Variants in ASGR2 observed in about 807,000 individuals in gnomAD.
ASGR2 encodes asialoglycoprotein receptor 2, also known as C-type lectin domain family 4 member H2.
ASGR2 carries 34 observed loss-of-function variants against 32.3 expected under a neutral mutation model. That is an observed-to-expected ratio of 1.05 (90% CI 0.80 to 1.40). ASGR2 has a LOEUF of 1.40. Among genes scored for constraint, ASGR2 ranks in the 40% most tolerant of loss-of-function variants. ASGR2 has a pLI of 0.00. For synonymous variants in ASGR2, 143 were observed against 150.0 expected, an observed-to-expected ratio of 0.95 and a Z score of 0.34; for missense variants, 385 against 386.4, an observed-to-expected ratio of 1.00 and a Z score of 0.03.
Position 7,114,111 on chromosome 17 carries a change from A to G in ASGR2, c.124+6T>C, listed in dbSNP as rs1567774928. 1 of 1,614,170 alleles carries G rather than the reference A, an allele frequency of 6.2e-7. No homozygotes were observed. On this transcript the variant is annotated splice_donor_region_variant and intron_variant, in intron 2 of 8. Transcript: ENST00000691900. The surrounding 1 kb of genome is among the most constrained non-coding windows in gnomAD (Gnocchi z 4.5). Reference sequence around the variant, plus strand: ...GGGAGCAAAGCCGCAGAAACTGCACACTTGCCTTTCAAAAATGGATTTCCT... The same window carrying G: ...GGGAGCAAAGCCGCAGAAACTGCACGCTTGCCTTTCAAAAATGGATTTCCT...
Position 7,113,247 on chromosome 17 carries a change from T to G in ASGR2, c.124+870A>C, listed in dbSNP as rs1409812192. Among the ~76,000 whole-genome samples the G allele has an allele frequency of 6.6e-6, 1 of 151,866 alleles. No homozygotes were observed. The highest frequency in any genetic ancestry group is 1.5e-5 in the Non-Finnish European group (1 of 67,958). ...GCAGGGATCTTCCAGGATCTCTCTGTGCTCACGTCCCCCACCCATCCCAAC... is the reference window on the plus strand; with the variant it reads ...GCAGGGATCTTCCAGGATCTCTCTGGGCTCACGTCCCCCACCCATCCCAAC... On this transcript the variant is annotated intron_variant, in intron 2 of 8. Coordinates refer to ENST00000691900, the MANE Select transcript of ASGR2 (RefSeq NM_001201352.2). This position sits in a 1 kb window ranked among gnomAD's most constrained non-coding sequence, Gnocchi z 5.1.
intron 2 of ASGR2, among the ~76,000 whole-genome samples, chr17:7,109,371 C>T (rs1914330136): frequency 6.6e-6 from 1 of 152,072 alleles, no homozygotes; most frequent in Non-Finnish European, 1.5e-5. Context: ...ACTCCAGAAG[C>T]TGGGCCCTGT....
intron 2 of ASGR2, among the ~76,000 whole-genome samples, chr17:7,111,461 C>T (rs1055256808): frequency 1.3e-5 from 2 of 151,980 alleles, no homozygotes; most frequent in South Asian, 4.2e-4. Context: ...TCGACACCAT[C>T]CTGGCTAACA....
At chr17:7,105,664 G>A (rs1913568629) in intron 7 of ASGR2, among the ~76,000 whole-genome samples, 3 of 152,142 alleles carry the variant, frequency 2.0e-5, no homozygotes. Context: ...GGGCGATAGA[G>A]CCAGATCTTG....
At position 7,110,693 on chromosome 17, in the gene ASGR2, G is replaced by A. The variant is rs552180928; in HGVS notation, c.125-1805C>T. Among the ~76,000 whole-genome samples, 32 of 152,328 alleles carry A rather than the reference G, an allele frequency of 2.1e-4. No homozygotes were observed. In the South Asian group the frequency reaches 6.6e-3, roughly 32 times the overall value. Reference sequence around the variant, plus strand: ...TTAAAATATGTAATGTGCTTCTTAGGCAAAAGTTTGAACATAAAAGACAGG... The same window carrying A: ...TTAAAATATGTAATGTGCTTCTTAGACAAAAGTTTGAACATAAAAGACAGG... On this transcript the variant is annotated intron_variant, in intron 2 of 8. Coordinates refer to ENST00000691900, the MANE Select transcript of ASGR2 (RefSeq NM_001201352.2).
chr17:7,110,493 G>A (rs62061387), intron 2 of ASGR2, among the ~76,000 whole-genome samples: 24,246 of 152,132 alleles, frequency 0.16, 2,121 homozygotes, highest in East Asian at 0.26. Context: ...GCCCAGCAAC[G>A]TGTCTGTATA....
chr17:7,112,061 G>A (rs745896380), intron 2 of ASGR2, among the ~76,000 whole-genome samples: 11 of 99,058 alleles, frequency 1.1e-4, no homozygotes, highest in Non-Finnish European at 2.1e-4. Flanking sequence ...GGGGAAGCGA[G>A]GGAAGGAAAG....
Position 7,113,285 on chromosome 17 carries a change from T to TACACAC in ASGR2, c.124+826_124+831dup, listed in dbSNP as rs113103097. Among the ~76,000 whole-genome samples, 4 of 124,386 alleles carry TACACAC rather than the reference T, an allele frequency of 3.2e-5. No individual in the cohort carries two copies. The highest frequency in any genetic ancestry group is 6.4e-5 in the African/African-American group (2 of 31,290). The allele number at this position is 124,386 out of a possible 152,430, so 81.6% of individuals were successfully genotyped here. On this transcript the variant is annotated intron_variant, in intron 2 of 8. Coordinates refer to ENST00000691900, the MANE Select transcript of ASGR2 (RefSeq NM_001201352.2). This position sits in a 1 kb window ranked among gnomAD's most constrained non-coding sequence, Gnocchi z 5.1. Reference sequence around the variant, plus strand: ...CACCCATCCCAACTCACCCCACCTCTACACACACACACACACACACATACA... The same window carrying TACACAC: ...CACCCATCCCAACTCACCCCACCTCTACACACACACACACACACACACACACATACA...
At position 7,108,047 on chromosome 17, in the gene ASGR2, A is replaced by G; in HGVS notation, c.338-140T>C. ...CCTGGACCACACCCAGGCTCCCTGC[A>G]CTGCCACAGTGGCTCAGGCCACTCT... On this transcript the variant is annotated intron_variant, in intron 4 of 8. Transcript: ENST00000691900. The surrounding 1 kb of genome is among the most constrained non-coding windows in gnomAD (Gnocchi z 4.9). The G allele has an allele frequency of 1.2e-6, 1 of 864,746 alleles. No individual in the cohort carries two copies. Among genetic ancestry groups the G allele is most frequent in the South Asian group, 1.6e-5 (1 of 60,836 alleles). The allele number at this position is 864,746 out of a possible 1,614,324, so 53.6% of individuals were successfully genotyped here. A position where few individuals can be genotyped will look rare whatever the true frequency, so the allele number is the denominator to read the frequency against.
chr17:7,110,928 A>C (rs1303814362), intron 2 of ASGR2, among the ~76,000 whole-genome samples: 1 of 152,210 alleles, frequency 6.6e-6, no homozygotes, highest in Non-Finnish European at 1.5e-5. Flanking sequence ...AGGAAAGGGA[A>C]GTCCAGGCAG....
At chr17:7,101,958 G>A in intron 8 of ASGR2, 132 bp downstream of exon 8, 1 of 1,095,568 alleles carries the variant, frequency 9.1e-7, no homozygotes, top group South Asian at 1.4e-5. Flanking sequence ...AGCTTTGGAG[G>A]GGTTGGAGTC....
Position 7,114,692 on chromosome 17 carries a change from A to G in ASGR2, c.-148T>C. On this transcript the variant is annotated 5_prime_UTR_variant, in exon 1 of 9. Coordinates refer to ENST00000691900, the MANE Select transcript of ASGR2 (RefSeq NM_001201352.2). The surrounding 1 kb of genome is among the most constrained non-coding windows in gnomAD (Gnocchi z 4.5). ...TGGCCAAGGAGGGGTTAAAGCCAGG[A>G]GAACTGGGGCAGGTGGAGCTCACAG... 2.0e-6 allele frequency: 2 copies of G among 1,019,218 alleles called. No individual in the cohort carries two copies. The highest frequency in any genetic ancestry group is 2.4e-6 in the Non-Finnish European group (2 of 849,848). 63.1% of individuals were successfully genotyped at this position (1,019,218 alleles called of 1,614,324 possible).
At chr17:7,101,870 T>A (rs921887218) in intron 8 of ASGR2, 130 bp from the exon 9 acceptor site, 22 of 1,290,356 alleles carry the variant, frequency 1.7e-5, no homozygotes, top group Non-Finnish European at 2.3e-5. Context: ...CTACCCAGTC[T>A]GGGGAGAACC....
intron 2 of ASGR2, among the ~76,000 whole-genome samples, chr17:7,109,816 T>C (rs1343862281): frequency 6.6e-6 from 1 of 151,326 alleles, no homozygotes; most frequent in Admixed American, 6.6e-5. Flanking sequence ...ACATTCATAC[T>C]CCCTCCCACA....
Position 7,107,682 on chromosome 17 carries a change from CACAT to C in ASGR2, c.409+150_409+153del. ...CACAGATCCATGACATATCACACCACACATACGGAGAGAGACACAGATACACATG... is the reference window on the plus strand; with the variant it reads ...CACAGATCCATGACATATCACACCACACGGAGAGAGACACAGATACACATG... On this transcript the variant is annotated intron_variant, in intron 5 of 8. Coordinates refer to ENST00000691900, the MANE Select transcript of ASGR2 (RefSeq NM_001201352.2). The surrounding 1 kb of genome is among the most constrained non-coding windows in gnomAD (Gnocchi z 5.0). 1 of 956,212 alleles carries C rather than the reference CACAT, an allele frequency of 1.0e-6. No individual in the cohort carries two copies. The allele number at this position is 956,212 out of a possible 1,614,324, so 59.2% of individuals were successfully genotyped here.
At chr17:7,102,960 C>T (rs1277483721) in intron 7 of ASGR2, among the ~76,000 whole-genome samples, 1 of 152,160 alleles carries the variant, frequency 6.6e-6, no homozygotes, top group Non-Finnish European at 1.5e-5. Context: ...CCGGGACCCA[C>T]GCGCACCCAC....
chr17:7,112,551 T>C (rs2151737177), intron 2 of ASGR2, among the ~76,000 whole-genome samples: 1 of 152,306 alleles, frequency 6.6e-6, no homozygotes, highest in Admixed American at 6.5e-5. Context: ...GTTCACTATG[T>C]ACCGGGTGCC....
At position 7,107,964 on chromosome 17, in the gene ASGR2, TG is replaced by T; in HGVS notation, c.338-58del. 1 of 1,601,648 alleles carries T rather than the reference TG, an allele frequency of 6.2e-7. No homozygotes were observed. ...GAGCCTCCCTCCGTCCTCATGCTGC[TG>T]GGGGACCGGGGGCCAGCGCCTCGTC... On this transcript the variant is annotated intron_variant, in intron 4 of 8. Transcript: ENST00000691900. The surrounding 1 kb of genome is among the most constrained non-coding windows in gnomAD (Gnocchi z 5.0).
intron 2 of ASGR2, among the ~76,000 whole-genome samples, chr17:7,111,465 G>A (rs894831020): frequency 1.3e-5 from 2 of 151,962 alleles, no homozygotes; most frequent in Non-Finnish European, 2.9e-5. Context: ...CACCATCCTG[G>A]CTAACATGGT....
Sources: gnomAD v4.1 joint callset for allele counts (sites outside exome capture counted in the v4.1 genomes callset) on GRCh38, gnomAD v4.1.1 for gene constraint, Gnocchi (gnomAD v3.1) non-coding constraint, MANE v1.5 for transcripts, NCBI Gene and HGNC (gene_info 2026-07-23, HGNC 2026-07-21) for gene names.